Variants in DCST2 observed in about 807,000 individuals in gnomAD.
DCST2 encodes DC-STAMP domain-containing protein 2.
In DCST2, 64 loss-of-function variants were observed where a neutral mutation model predicts 81.8. The observed-to-expected ratio is 0.78, with a 90% confidence interval of 0.64 to 0.96. The LOEUF (loss-of-function observed/expected upper bound fraction) is 0.96. Among genes scored for constraint, DCST2 ranks in the 40% least tolerant of loss-of-function variants. The pLI, the probability that DCST2 is intolerant of heterozygous loss-of-function variation, is 0.00. For missense variants in DCST2, 945 were observed against 1,001.4 expected, an observed-to-expected ratio of 0.94 and a Z score of 0.76; for synonymous variants, 354 against 402.6, an observed-to-expected ratio of 0.88 and a Z score of 1.44.
rs1660178452 is a variant in DCST2, at chr1:155,033,691, A to G, written c.11T>C (p.Val4Ala). 1.2e-6 allele frequency: 2 copies of G among 1,613,194 alleles called. No homozygotes were observed. The highest frequency in any genetic ancestry group is 2.2e-5 in the East Asian group (1 of 44,862). ...CAAGGGGTGCACAACATCCTTCATG[A>G]CTTTGGGCATGGCTGCTGAGACCAA... MPK[V>A]MKDVVHPLGG... The change falls in exon 1 of 15, where the codon GTC (valine) becomes GCC (alanine). Residue 4 changes from valine (V) to alanine (A), a missense_variant. Transcript: ENST00000368424.
chr1:155,024,015 C>T lies in DCST2; in HGVS notation c.1743-56G>A, dbSNP rs949458100. On this transcript the variant is annotated intron_variant, in intron 11 of 14. Coordinates refer to ENST00000368424, the MANE Select transcript of DCST2 (RefSeq NM_144622.3). ...CCAGCCCAGCCAGCTTAACCCTCCCCACTCCAGCACCAACCTCCAAATGGC... is the reference window on the plus strand; with the variant it reads ...CCAGCCCAGCCAGCTTAACCCTCCCTACTCCAGCACCAACCTCCAAATGGC... 2.6e-6 allele frequency: 4 copies of T among 1,567,340 alleles called. No individual in the cohort carries two copies. In the African/African-American group the frequency reaches 5.4e-5, roughly 21 times the overall value.
At chr1:155,023,329 A>G in intron 13 of DCST2, 35 bp downstream of exon 13, 2 of 1,611,008 alleles carry the variant, frequency 1.2e-6, no homozygotes, top group Admixed American at 3.4e-5. Flanking sequence ...CTGCCCCTAC[A>G]GACTCCAGCC....
chr1:155,026,474 A>T (rs1386744296), intron 9 of DCST2, 72 bp from the exon 10 acceptor site: 1 of 1,611,698 alleles, frequency 6.2e-7, no homozygotes, highest in Non-Finnish European at 8.5e-7. Flanking sequence ...CGCCCCCCAC[A>T]TCCTCAGCAG....
At chr1:155,020,122 C>A (rs752432843) in intron 14 of DCST2, among the ~76,000 whole-genome samples, 8 of 152,288 alleles carry the variant, frequency 5.3e-5, no homozygotes, top group Non-Finnish European at 1.2e-4. Flanking sequence ...CCCTGGAGCC[C>A]AAACCTCCCT....
At chr1:155,020,899 C>T (rs4845703) in intron 14 of DCST2, among the ~76,000 whole-genome samples, 107,594 of 151,398 alleles carry the variant, frequency 0.71, 38,550 homozygotes, top group East Asian at 0.96. Flanking sequence ...CTTGGCTCAC[C>T]GCAGTCTCAG....
At chr1:155,030,979 T>C (rs1660056582) in intron 5 of DCST2, 190 bp downstream of exon 5, 1 of 663,794 alleles carries the variant, frequency 1.5e-6, no homozygotes, top group African/African-American at 1.8e-5. Flanking sequence ...GGTGAGGCAC[T>C]GGCCCTTCGC....
intron 7 of DCST2, 112 bp downstream of exon 7, chr1:155,029,971 GC>G: frequency 2.0e-6 from 3 of 1,489,748 alleles, no homozygotes; most frequent in Non-Finnish European, 1.8e-6. Context: ...TCTGGCCCCT[GC>G]CCCAAGCCCA....
intron 11 of DCST2, 27 bp from the exon 12 acceptor site, chr1:155,023,986 C>CA: frequency 6.2e-7 from 1 of 1,602,772 alleles, no homozygotes; most frequent in Non-Finnish European, 8.5e-7. Flanking sequence ...AGACACTAAG[C>CA]AGGCCAGCCC....
Position 155,026,622 on chromosome 1 carries a change from C to T in DCST2, c.1436G>A (p.Gly479Asp). Residue 479 changes from glycine (G) to aspartate (D), a missense_variant, in exon 9 of 15, where the codon GGC becomes GAC. Coordinates refer to ENST00000368424, the MANE Select transcript of DCST2 (RefSeq NM_144622.3). ...LVSAFDVLQQ[G>D]NISILSRRCL... ...ACGCCGGGACAAAATACTGATGTTG[C>T]CTTGCTGCAGGACATCAAATGCTGA... 1.3e-5 allele frequency: 21 copies of T among 1,614,240 alleles called. No individual in the cohort carries two copies. Among genetic ancestry groups the T allele is most frequent in the Non-Finnish European group, 1.7e-5 (20 of 1,180,036 alleles).
intron 12 of DCST2, 85 bp from the exon 13 acceptor site, chr1:155,023,542 C>G (rs1412134142): frequency 1.3e-6 from 2 of 1,549,002 alleles, no homozygotes; most frequent in Admixed American, 3.9e-5. Flanking sequence ...CCTGCCTCCC[C>G]TATCACAGAC....
At chr1:155,019,607 AC>A (rs1659686920) in intron 14 of DCST2, among the ~76,000 whole-genome samples, 1 of 152,036 alleles carries the variant, frequency 6.6e-6, no homozygotes, top group Admixed American at 6.6e-5. Flanking sequence ...CAAGACAGAG[AC>A]CCTGGGCTGC....
chr1:155,026,369 A>G lies in DCST2; in HGVS notation c.1544T>C (p.Leu515Pro). ...CAGCCGGCTGACATAGCTGCCAAACAGGGTGATGAAGAAGCATAGGCCATA... is the reference window on the plus strand; with the variant it reads ...CAGCCGGCTGACATAGCTGCCAAACGGGGTGATGAAGAAGCATAGGCCATA... ...VMYGLCFFIT[L>P]FGSYVSRLRR... The change falls in exon 10 of 15, where the codon CTG becomes CCG. Residue 515 changes from leucine (L) to proline (P), a missense_variant. Coordinates refer to ENST00000368424, the MANE Select transcript of DCST2 (RefSeq NM_144622.3). The G allele has an allele frequency of 1.2e-6, 2 of 1,613,854 alleles. No individual in the cohort carries two copies. The highest frequency in any genetic ancestry group is 2.2e-5 in the South Asian group (2 of 91,086).
intron 12 of DCST2, 131 bp downstream of exon 12, chr1:155,023,701 C>G: frequency 6.4e-7 from 1 of 1,570,266 alleles, no homozygotes; most frequent in Non-Finnish European, 8.6e-7. Flanking sequence ...TGAGAACGTG[C>G]ATAGTAATGA....
chr1:155,030,709 T>TCCCCA, intron 5 of DCST2, 64 bp from the exon 6 acceptor site: 1 of 1,571,494 alleles, frequency 6.4e-7, no homozygotes, highest in Non-Finnish European at 8.7e-7. Context: ...GAGCTGCCCC[T>TCCCCA]GGGGAGGGGC....
chr1:155,030,679 A>G, intron 5 of DCST2, 34 bp from the exon 6 acceptor site: 7 of 1,608,688 alleles, frequency 4.4e-6, no homozygotes, highest in Non-Finnish European at 6.0e-6. Context: ...GACGTGGGCA[A>G]GGAGAGTTAG....
chr1:155,032,945 G>A, intron 2 of DCST2, 149 bp downstream of exon 2: 1 of 1,030,494 alleles, frequency 9.7e-7, no homozygotes, highest in Non-Finnish European at 1.4e-6. Flanking sequence ...AGCAAGGAGA[G>A]AGGGTTTAGC....
At position 155,029,377 on chromosome 1, in the gene DCST2, A is replaced by T; in HGVS notation, c.1198T>A (p.Trp400Arg). 1 of 1,614,050 alleles carries T rather than the reference A, an allele frequency of 6.2e-7. No homozygotes were observed. The highest frequency in any genetic ancestry group is 8.5e-7 in the Non-Finnish European group (1 of 1,179,984). The change falls in exon 8 of 15, where the codon TGG becomes AGG. Residue 400 changes from tryptophan to arginine, a missense_variant. Coordinates refer to ENST00000368424, the MANE Select transcript of DCST2 (RefSeq NM_144622.3). ...TCCAGAATGTAAAAAAACTTCTCCCATTGGGACAAGAAGATGGAGCCTGAG... is the reference window on the plus strand; with the variant it reads ...TCCAGAATGTAAAAAAACTTCTCCCTTTGGGACAAGAAGATGGAGCCTGAG... ...IPPGSIFLSQWEKFFYILETF... is the reference protein window; with the variant it reads ...IPPGSIFLSQREKFFYILETF...
chr1:155,023,897 C>G lies in DCST2; in HGVS notation c.1805G>C (p.Cys602Ser), dbSNP rs1571543726. The G allele has an allele frequency of 6.2e-7, 1 of 1,613,576 alleles. No homozygotes were observed. Among genetic ancestry groups the G allele is most frequent in the African/African-American group, 1.3e-5 (1 of 74,928 alleles). ...GTCTCCCTCATCCTGGGGCTGCCCA[C>G]AGCCCAGGCAGTAGGCCTGATGCAG... ...FWLHQAYCLGCGQPQDEGDME... is the reference protein window; with the variant it reads ...FWLHQAYCLGSGQPQDEGDME... Residue 602 changes from cysteine to serine, a missense_variant, in exon 12 of 15, where the codon TGT (cysteine) becomes TCT (serine). Cys to Ser is a moderately radical substitution (Grantham distance 112, BLOSUM62 -1). Coordinates refer to ENST00000368424, the MANE Select transcript of DCST2 (RefSeq NM_144622.3).
At chr1:155,031,515 T>TCCCCCCCCCCC in intron 4 of DCST2, 59 bp downstream of exon 4, 1 of 643,116 alleles carries the variant, frequency 1.6e-6, no homozygotes. Context: ...ACCCCCACAT[T>TCCCCCCCCCCC]CCCACCCCAC....
Sources: allele counts gnomAD v4.1 joint callset (sites outside exome capture counted in the v4.1 genomes callset), GRCh38; gene constraint gnomAD v4.1.1; transcripts MANE v1.5; gene names NCBI Gene and HGNC (gene_info 2026-07-23, HGNC 2026-07-21).